The following USP37 variants were observed in gnomAD, a reference collection of about 807,000 sequenced individuals.
USP37 encodes ubiquitin specific peptidase 37, also known as ubiquitin carboxyl-terminal hydrolase 37.
USP37 carries 27 observed loss-of-function variants against 124.0 expected under a neutral mutation model. The ratio of observed to expected loss-of-function variants is 0.22; its 90% CI spans 0.16 to 0.30. The LOEUF is 0.30. Among genes scored for constraint, USP37 ranks in the 10% least tolerant of loss-of-function variants. The probability of loss-of-function intolerance (pLI) is 1.00; values close to 1 mark genes in which losing one functional copy is unlikely to be tolerated. For synonymous variants in USP37, 365 were observed against 388.0 expected (o/e 0.94, Z 0.70); for missense variants, 889 against 1,140.4 (o/e 0.78, Z 3.17).
intron 8 of USP37, among the ~76,000 whole-genome samples, chr2:218,540,882 C>T (rs6714092): frequency 0.057 from 8,628 of 152,140 alleles, 365 homozygotes; most frequent in East Asian, 0.12. Flanking sequence ...AAGGATTCCA[C>T]TTTGCAGAAT....
intron 4 of USP37, among the ~76,000 whole-genome samples, chr2:218,557,651 G>A: frequency 6.8e-6 from 1 of 147,012 alleles, no homozygotes; most frequent in Non-Finnish European, 1.5e-5. Flanking sequence ...TATCTTGGCT[G>A]GGCGCGGTGG....
At chr2:218,515,972 C>T (rs1176187037) in intron 10 of USP37, among the ~76,000 whole-genome samples, 1 of 152,036 alleles carries the variant, frequency 6.6e-6, no homozygotes, top group Admixed American at 6.5e-5. Flanking sequence ...GAATGCAAAT[C>T]AAAACCACAA....
intron 1 of USP37, among the ~76,000 whole-genome samples, chr2:218,564,127 C>T (rs1039503487): frequency 3.3e-5 from 5 of 152,098 alleles, no homozygotes; most frequent in African/African-American, 1.2e-4. Flanking sequence ...CTTCTACCAT[C>T]ATTCAGGCAA....
At chr2:218,517,603 C>T (rs1283520396) in intron 10 of USP37, among the ~76,000 whole-genome samples, 1 of 152,120 alleles carries the variant, frequency 6.6e-6, no homozygotes. Flanking sequence ...GATATTTTTG[C>T]TCCTTTGAAG....
intron 9 of USP37, among the ~76,000 whole-genome samples, chr2:218,532,183 C>G (rs1261838135): frequency 2.0e-5 from 3 of 152,056 alleles, no homozygotes; most frequent in Non-Finnish European, 2.9e-5. Context: ...AAGAAATTGC[C>G]TTGGCCGGGT....
intron 8 of USP37, among the ~76,000 whole-genome samples, chr2:218,538,591 G>A (rs1691791623): frequency 1.3e-5 from 2 of 152,300 alleles, no homozygotes; most frequent in Admixed American, 1.3e-4. Flanking sequence ...CAGCCATGGT[G>A]GCAGATAGAA....
chr2:218,534,698 T>C lies in USP37; in HGVS notation c.689A>G (p.Lys230Arg), dbSNP rs1169364755. ...CTTTCTGGAGGGATCTGTCATGGCC[T>C]TGTTGTTCCTATAGTTAATAATTTT... ...PKENDSSSNNKAMTDPSRKYL... is the reference protein window; with the variant it reads ...PKENDSSSNNRAMTDPSRKYL... The change falls in exon 9 of 26, where the codon AAG (lysine) becomes AGG (arginine). Residue 230 changes from lysine (K) to arginine (R), a missense_variant. Lys to Arg is a conservative substitution (Grantham distance 26). Transcript: ENST00000258399. 1.9e-6 allele frequency: 3 copies of C among 1,595,116 alleles called. No homozygotes were observed. The highest frequency in any genetic ancestry group is 1.1e-5 in the South Asian group (1 of 87,526).
At chr2:218,472,967 A>C (rs1357754886) in intron 20 of USP37, among the ~76,000 whole-genome samples, 1 of 152,064 alleles carries the variant, frequency 6.6e-6, no homozygotes, top group Admixed American at 6.6e-5. Context: ...AGGTCTCTTT[A>C]GTCTTTAGTC....
chr2:218,510,003 G>A lies in USP37; in HGVS notation c.1001C>T (p.Ser334Phe). Reference sequence around the variant, plus strand: ...CCCCTGCAGTTGCTGCTGTTGGTGAGAGGAAAGGGGCACTCTTGGTTTATT... The same window carrying A: ...CCCCTGCAGTTGCTGCTGTTGGTGAAAGGAAAGGGGCACTCTTGGTTTATT... ...GWNKPRVPLS[S>F]HQQQQLQGFS... Residue 334 changes from serine to phenylalanine, a missense_variant, in exon 11 of 26, where the codon TCT becomes TTT. Ser to Phe is a radical substitution (Grantham distance 155, BLOSUM62 -2). Transcript: ENST00000258399. 6.3e-7 allele frequency: 1 copy of A among 1,584,960 alleles called. No homozygotes were observed. The highest frequency in any genetic ancestry group is 8.6e-7 in the Non-Finnish European group (1 of 1,160,740).
chr2:218,514,879 C>T (rs1690188375), intron 10 of USP37, among the ~76,000 whole-genome samples: 1 of 152,160 alleles, frequency 6.6e-6, no homozygotes, highest in South Asian at 2.1e-4. Flanking sequence ...TGGACTCAGA[C>T]ATATTTATTT....
At chr2:218,490,527 A>T (rs1301888034) in intron 14 of USP37, among the ~76,000 whole-genome samples, 1 of 152,152 alleles carries the variant, frequency 6.6e-6, no homozygotes, top group African/African-American at 2.4e-5. Context: ...ACCGTTTTTC[A>T]TTTTGTCTTA....
intron 10 of USP37, among the ~76,000 whole-genome samples, chr2:218,519,278 T>G (rs948878232): frequency 1.3e-5 from 2 of 152,250 alleles, no homozygotes; most frequent in East Asian, 3.8e-4. Flanking sequence ...ACATTTATTA[T>G]GTCAATCATC....
At chr2:218,516,535 T>C (rs994267544) in intron 10 of USP37, among the ~76,000 whole-genome samples, 4 of 149,130 alleles carry the variant, frequency 2.7e-5, no homozygotes, top group African/African-American at 9.9e-5. Flanking sequence ...CATGGGGGCC[T>C]GTCAGGGGAT....
chr2:218,470,219 A>G (rs1163608343), intron 20 of USP37, among the ~76,000 whole-genome samples: 1 of 152,206 alleles, frequency 6.6e-6, no homozygotes, highest in African/African-American at 2.4e-5. Context: ...AGTGAATAAG[A>G]TAATTTTCCA....
At chr2:218,455,413 A>C (rs549215464) in intron 25 of USP37, among the ~76,000 whole-genome samples, 167 bp downstream of exon 25, 5 of 152,204 alleles carry the variant, frequency 3.3e-5, no homozygotes, top group African/African-American at 1.2e-4. Flanking sequence ...AATATTCTGG[A>C]CTTACAAGGA....
chr2:218,503,038 C>T (rs1318694975), intron 11 of USP37, among the ~76,000 whole-genome samples: 1 of 152,090 alleles, frequency 6.6e-6, no homozygotes, highest in African/African-American at 2.4e-5. Context: ...CGTTAGAGTT[C>T]TATATAAGCT....
intron 11 of USP37, among the ~76,000 whole-genome samples, chr2:218,506,629 T>C (rs1169910410): frequency 6.6e-6 from 1 of 151,660 alleles, no homozygotes; most frequent in Non-Finnish European, 1.5e-5. Flanking sequence ...TTCATCTTTT[T>C]TTCCCTGGCT....
At chr2:218,546,853 T>TA in intron 7 of USP37, 66 bp downstream of exon 7, 2 of 1,521,806 alleles carry the variant, frequency 1.3e-6, no homozygotes, top group South Asian at 2.4e-5. Flanking sequence ...AAATTACTGG[T>TA]ATTTCTAAAA....
At chr2:218,531,901 G>A (rs1057455073) in intron 9 of USP37, among the ~76,000 whole-genome samples, 4 of 152,244 alleles carry the variant, frequency 2.6e-5, no homozygotes, top group African/African-American at 9.6e-5. Flanking sequence ...GACTTTAATG[G>A]ATGTGGAGTT....
Sources: gnomAD v4.1 joint callset for allele counts (sites outside exome capture counted in the v4.1 genomes callset) on GRCh38, gnomAD v4.1.1 for gene constraint, MANE v1.5 for transcripts, NCBI Gene and HGNC (gene_info 2026-07-23, HGNC 2026-07-21) for gene names.